NAA38: variants seen among roughly 807,000 people sequenced by gnomAD.
NAA38 encodes N-alpha-acetyltransferase 38, NatC auxiliary subunit.
Under a neutral mutation model 12.6 loss-of-function variants are expected in NAA38, and 15 were observed. The ratio of observed to expected loss-of-function variants is 1.19; its 90% CI spans 0.79 to 1.83. The LOEUF is 1.83. Among genes scored for constraint, NAA38 ranks in the 40% most tolerant of loss-of-function variants. The probability of loss-of-function intolerance (pLI) is 0.00; values close to 1 mark genes in which losing one functional copy is unlikely to be tolerated. For synonymous variants in NAA38, 88 were observed against 69.9 expected (o/e 1.26, Z -1.29); for missense variants, 183 against 171.7 (o/e 1.07, Z -0.37).
upstream of NAA38, chr17:7,858,955 T>C: frequency 3.5e-6 from 3 of 850,110 alleles, no homozygotes; most frequent in South Asian, 6.3e-5. Context: ...TTGAGGCAAC[T>C]GAGGAAAGCA....
At chr17:7,882,522 G>A (rs909105443) in intron 2 of NAA38, among the ~76,000 whole-genome samples, 2 of 151,708 alleles carry the variant, frequency 1.3e-5, no homozygotes, top group African/African-American at 4.9e-5. Flanking sequence ...ATAGAGAGAA[G>A]CCCACAATAT....
At chr17:7,859,322 C>A (rs1486193073), upstream of NAA38, 3 of 1,370,452 alleles carry the variant, frequency 2.2e-6, no homozygotes, top group Middle Eastern at 1.9e-4. Context: ...TTGATCCCAG[C>A]GTGTGTATAT....
intron 2 of NAA38, among the ~76,000 whole-genome samples, chr17:7,869,587 C>A (rs915197098): frequency 6.6e-6 from 1 of 151,938 alleles, no homozygotes. Context: ...CATGGTGAAA[C>A]CCTGTCTCTA....
chr17:7,864,300 A>C (rs1966924023), intron 3 of NAA38: 1 of 152,244 alleles, frequency 6.6e-6, no homozygotes, highest in African/African-American at 2.4e-5. Flanking sequence ...CACTAAAAAG[A>C]AAAACCCAAA....
upstream of NAA38, chr17:7,859,387 G>T (rs1469921414): frequency 3.1e-6 from 5 of 1,613,188 alleles, no homozygotes; most frequent in African/African-American, 6.7e-5. Context: ...TCCAGGTGGG[G>T]GTTCTGGAGT....
intron 2 of NAA38, among the ~76,000 whole-genome samples, chr17:7,880,155 G>A (rs1365798218): frequency 6.6e-6 from 1 of 152,128 alleles, no homozygotes; most frequent in East Asian, 1.9e-4. Context: ...GGCAGACAGG[G>A]AGAATCCAGC....
rs747127643 is a variant in NAA38, at chr17:7,857,237, A to C, written c.82-39T>G. On this transcript the variant is annotated intron_variant, in intron 1 of 2. Coordinates refer to ENST00000575771, the MANE Select transcript of NAA38 (RefSeq NM_001320925.4). Reference sequence around the variant, plus strand: ...AACAAGCGCTCAGACCGCGCAGCCCAGGCTGCCCGCCCGCGGAACCACAGC... The same window carrying C: ...AACAAGCGCTCAGACCGCGCAGCCCCGGCTGCCCGCCCGCGGAACCACAGC... 5.0e-6 allele frequency: 8 copies of C among 1,610,612 alleles called. No homozygotes were observed. The South Asian group carries it at 8.8e-5, about 18-fold the overall frequency.
upstream of NAA38, chr17:7,860,637 A>G (rs2078876045): frequency 6.6e-6 from 1 of 152,222 alleles, no homozygotes; most frequent in Non-Finnish European, 1.5e-5. Flanking sequence ...CACTGCTCTC[A>G]GCAAGTATTT....
At chr17:7,884,089 C>A (rs1967396958) in intron 1 of NAA38, among the ~76,000 whole-genome samples, 1 of 151,414 alleles carries the variant, frequency 6.6e-6, no homozygotes, top group South Asian at 2.1e-4. Context: ...CACACACACA[C>A]ACACACTTCA....
chr17:7,876,614 C>T (rs1253216635), intron 2 of NAA38, among the ~76,000 whole-genome samples: 1 of 152,128 alleles, frequency 6.6e-6, no homozygotes, highest in Non-Finnish European at 1.5e-5. Flanking sequence ...TGCTTCCCCC[C>T]TCCCAACCAA....
chr17:7,857,726 G>T, upstream of NAA38: 1 of 1,288,420 alleles, frequency 7.8e-7, no homozygotes, highest in Non-Finnish European at 9.8e-7. Flanking sequence ...TTAGAAACTG[G>T]AATTTAGCGA....
At position 7,857,087 on chromosome 17, in the gene NAA38, C is replaced by A; in HGVS notation, c.193G>T (p.Gly65Cys). Residue 65 changes from glycine (G) to cysteine (C), a missense_variant, in exon 2 of 3, where the codon GGC becomes TGC. Coordinates refer to ENST00000575771, the MANE Select transcript of NAA38 (RefSeq NM_001320925.4). ...IRMTDGRTLVGCFLCTDRDCN... is the reference protein window; with the variant it reads ...IRMTDGRTLVCCFLCTDRDCN... ...TCACGGTCAGTGCAGAGGAAGCAGC[C>A]GACCAGTGTCCGTCCATCTGTCATG... 6.2e-7 allele frequency: 1 copy of A among 1,613,538 alleles called. No individual in the cohort carries two copies. Among genetic ancestry groups the A allele is most frequent in the Non-Finnish European group, 8.5e-7 (1 of 1,180,042 alleles).
intron 2 of NAA38, among the ~76,000 whole-genome samples, chr17:7,880,763 A>G (rs553666748): frequency 2.0e-5 from 3 of 152,258 alleles, no homozygotes; most frequent in African/African-American, 7.2e-5. Context: ...TCCAATACAC[A>G]TTTCAGTGAT....
chr17:7,883,833 C>CA (rs111435916), intron 1 of NAA38, among the ~76,000 whole-genome samples: 6,804 of 116,932 alleles, frequency 0.058, 172 homozygotes, highest in Middle Eastern at 0.14. Flanking sequence ...CTGAAGTATT[C>CA]AAAAAAAAAA....
chr17:7,857,711 A>C, upstream of NAA38: 1 of 1,298,030 alleles, frequency 7.7e-7, no homozygotes, highest in South Asian at 2.4e-5. Flanking sequence ...TTTCTTACAC[A>C]TCCTTTAGAA....
intron 3 of NAA38, chr17:7,866,387 T>C (rs8074085): frequency 0.25 from 217,697 of 856,604 alleles, 36,147 homozygotes; most frequent in East Asian, 0.85. Flanking sequence ...GAATTACAGG[T>C]GTGAGCCATT....
intron 2 of NAA38, among the ~76,000 whole-genome samples, chr17:7,867,932 G>A (rs539936321): frequency 1.3e-5 from 2 of 152,224 alleles, no homozygotes; most frequent in African/African-American, 2.4e-5. Flanking sequence ...AGGATGGTGA[G>A]TCCACTGGCA....
rs537261010 is a variant in NAA38, at chr17:7,857,458, G to A, written c.6C>T (p.Ala2=). The A allele has an allele frequency of 3.5e-5, 54 of 1,535,606 alleles. No individual in the cohort carries two copies. The South Asian group carries it at 5.7e-4, about 16-fold the overall frequency. The change falls in exon 1 of 3, where the codon GCC becomes GCT. Residue 2 remains alanine, a synonymous_variant. Coordinates refer to ENST00000575771, the MANE Select transcript of NAA38 (RefSeq NM_001320925.4). ...GTAGCAGCATGGTCGGTCCAGCTCC[G>A]GCCATTTGCCCGGAGGCCTCCTCTG... The part of the protein sequence containing the change: M[A]GAGPTMLLRE...
upstream of NAA38, chr17:7,859,503 A>G (rs765016870): frequency 1.9e-6 from 3 of 1,614,212 alleles, no homozygotes; most frequent in Non-Finnish European, 2.5e-6. Flanking sequence ...ACCCTGGAAG[A>G]GAATGGGATC....
Sources: gnomAD v4.1 joint callset for allele counts (sites outside exome capture counted in the v4.1 genomes callset) on GRCh38, gnomAD v4.1.1 for gene constraint, MANE v1.5 for transcripts, NCBI Gene and HGNC (gene_info 2026-07-23, HGNC 2026-07-21) for gene names.